Variants in MAF observed in about 807,000 individuals in gnomAD.
MAF encodes the protein MAF bZIP transcription factor, also known as transcription factor Maf.
MAF carries 10 observed loss-of-function variants against 22.0 expected under a neutral mutation model. That is an observed-to-expected ratio of 0.45 (90% confidence interval 0.28 to 0.77). MAF has a LOEUF of 0.77. Ranked by LOEUF, MAF falls within the 30% of genes least tolerant of loss-of-function variation. MAF has a pLI of 0.12. For missense variants in MAF, 544 were observed against 548.4 expected, an observed-to-expected ratio of 0.99 and a Z score of 0.08; for synonymous variants, 337 against 255.8, an observed-to-expected ratio of 1.32 and a Z score of -3.03.
the MAF span, among the ~76,000 whole-genome samples, chr16:79,495,323 C>A: frequency 1.3e-5 from 2 of 151,966 alleles, no homozygotes; most frequent in African/African-American, 4.8e-5. Context: ...TTAAATGGGA[C>A]ATAGTGTCTT....
At chr16:79,402,415 A>C in the MAF span, among the ~76,000 whole-genome samples, 1 of 152,198 alleles carries the variant, frequency 6.6e-6, no homozygotes, top group Non-Finnish European at 1.5e-5. Context: ...GTTCAGGCCC[A>C]CACCTAGCCC....
At chr16:79,458,301 T>C in the MAF span, among the ~76,000 whole-genome samples, 1 of 152,286 alleles carries the variant, frequency 6.6e-6, no homozygotes, top group East Asian at 1.9e-4. Flanking sequence ...TGAGAAGGCA[T>C]GTGTCTCTCT....
the MAF span, among the ~76,000 whole-genome samples, chr16:79,389,071 C>T: frequency 6.6e-6 from 1 of 152,142 alleles, no homozygotes; most frequent in Admixed American, 6.5e-5. Context: ...TCGGAGACAG[C>T]AGCATTTGTC....
At chr16:79,250,573 C>G in the MAF span, among the ~76,000 whole-genome samples, 1 of 152,126 alleles carries the variant, frequency 6.6e-6, no homozygotes, top group Non-Finnish European at 1.5e-5. Flanking sequence ...AGTCCTTGTT[C>G]TGGTGCTTGG....
the MAF span, among the ~76,000 whole-genome samples, chr16:79,392,668 G>C: frequency 4.6e-5 from 7 of 152,170 alleles, no homozygotes; most frequent in African/African-American, 1.4e-4. Flanking sequence ...CGAGGATTCA[G>C]ATTTGTTAGG....
chr16:79,461,269 C>A, the MAF span, among the ~76,000 whole-genome samples: 6 of 152,176 alleles, frequency 3.9e-5, no homozygotes, highest in Non-Finnish European at 5.9e-5. Flanking sequence ...AGTTACTATA[C>A]AAACAGCCTC....
the MAF span, among the ~76,000 whole-genome samples, chr16:79,542,200 C>T: frequency 1.3e-3 from 198 of 152,162 alleles, 1 homozygote; most frequent in African/African-American, 4.3e-3. Flanking sequence ...AAGAGGGGAG[C>T]GAATGGGAAC....
chr16:79,565,574 AGTGAGTTCTC>A, the MAF span, among the ~76,000 whole-genome samples: 4 of 152,024 alleles, frequency 2.6e-5, no homozygotes, highest in Admixed American at 2.6e-4. Flanking sequence ...TTCTTGTGAT[AGTGAGTTCTC>A]ATGAGATCTG....
chr16:79,313,008 G>A, the MAF span, among the ~76,000 whole-genome samples: 1 of 152,156 alleles, frequency 6.6e-6, no homozygotes, highest in Non-Finnish European at 1.5e-5. Flanking sequence ...TTAAAAGCAT[G>A]GGCTTCAACT....
the MAF span, among the ~76,000 whole-genome samples, chr16:79,292,501 T>C: frequency 6.6e-6 from 1 of 152,212 alleles, no homozygotes; most frequent in Non-Finnish European, 1.5e-5. Flanking sequence ...GTAACTCAGT[T>C]GTGGTACTTG....
At chr16:79,211,826 C>G in the MAF span, 1 of 1,613,358 alleles carries the variant, frequency 6.2e-7, no homozygotes, top group South Asian at 1.1e-5. Context: ...GGCACACACA[C>G]CCGCCCTGTG....
At chr16:79,488,483 C>G in the MAF span, among the ~76,000 whole-genome samples, 1 of 152,110 alleles carries the variant, frequency 6.6e-6, no homozygotes, top group East Asian at 1.9e-4. Flanking sequence ...AAATGGAAGT[C>G]TATAATGTAA....
At chr16:79,370,780 T>G in the MAF span, among the ~76,000 whole-genome samples, 1 of 152,158 alleles carries the variant, frequency 6.6e-6, no homozygotes, top group Admixed American at 6.5e-5. Flanking sequence ...TGAAATAAAC[T>G]CCAGAATCCA....
chr16:79,211,555 C>A, the MAF span: 1 of 1,612,054 alleles, frequency 6.2e-7, no homozygotes, highest in South Asian at 1.1e-5. Flanking sequence ...ATGACGCCAT[C>A]TCATCACTCC....
intron 1 of MAF, among the ~76,000 whole-genome samples, chr16:79,587,002 G>C (rs1019045364): frequency 3.3e-5 from 5 of 152,310 alleles, no homozygotes; most frequent in Middle Eastern, 6.8e-3. Context: ...CTATGCTCAT[G>C]CACCTGCTGA....
At chr16:79,506,316 G>A in the MAF span, among the ~76,000 whole-genome samples, 1 of 152,174 alleles carries the variant, frequency 6.6e-6, no homozygotes, top group African/African-American at 2.4e-5. Flanking sequence ...CAAAGTCCAA[G>A]GCCTTGGGTT....
At chr16:79,261,172 G>C in the MAF span, among the ~76,000 whole-genome samples, 1 of 149,394 alleles carries the variant, frequency 6.7e-6, no homozygotes, top group African/African-American at 2.4e-5. Flanking sequence ...TTATTTATGA[G>C]ACAGAGTCTT....
At chr16:79,355,499 G>A in the MAF span, among the ~76,000 whole-genome samples, 1 of 152,204 alleles carries the variant, frequency 6.6e-6, no homozygotes, top group Non-Finnish European at 1.5e-5. Context: ...AGTGAGAGAA[G>A]GAGCCTGGAA....
the MAF span, among the ~76,000 whole-genome samples, chr16:79,572,435 C>T: frequency 2.6e-5 from 4 of 152,234 alleles, no homozygotes; most frequent in Non-Finnish European, 5.9e-5. Context: ...AGAGGAACCG[C>T]TGCCACAGCT....
Sources: gnomAD v4.1 joint callset for allele counts (sites outside exome capture counted in the v4.1 genomes callset) on GRCh38, gnomAD v4.1.1 for gene constraint, MANE v1.5 for transcripts, NCBI Gene and HGNC (gene_info 2026-07-23, HGNC 2026-07-21) for gene names.